The following TF variants were observed in gnomAD, a reference collection of about 807,000 sequenced individuals.
TF encodes serotransferrin.
A neutral mutation model predicts 82.4 loss-of-function variants in TF; 55 were observed. The observed-to-expected ratio is 0.67, with a 90% CI of 0.54 to 0.84. The LOEUF (loss-of-function observed/expected upper bound fraction) is 0.84, where lower values mean the gene tolerates loss of function less well. TF is among the 40% of genes least tolerant of loss of function. TF has a pLI of 0.00. For synonymous variants in TF, 332 were observed against 332.6 expected, an observed-to-expected ratio of 1.00 and a Z score of 0.02; for missense variants, 737 against 868.4, an observed-to-expected ratio of 0.85 and a Z score of 1.90.
At chr3:133,761,685 T>G (rs893071410) in intron 9 of TF, 2 of 152,234 alleles carry the variant, frequency 1.3e-5, no homozygotes, top group African/African-American at 4.8e-5. Context: ...TGGAACACAT[T>G]TCAAAAGAGC....
rs1235216771 is a variant in TF, at chr3:133,791,150, T to C, written c.*12530T>C. On this transcript the variant is annotated 3_prime_UTR_variant, in exon 17 of 17. Coordinates refer to ENST00000402696, the MANE Select transcript of TF (RefSeq NM_001063.4). ...AGCAAGTCATCATTTGTTCCATTTATCTGGAATTCCTAGGCTACCTTTGTC... is the reference window on the plus strand; with the variant it reads ...AGCAAGTCATCATTTGTTCCATTTACCTGGAATTCCTAGGCTACCTTTGTC... The C allele has an allele frequency of 6.6e-6, 1 of 152,218 alleles. No individual in the cohort carries two copies. Among genetic ancestry groups the C allele is most frequent in the Non-Finnish European group, 1.5e-5 (1 of 68,044 alleles). The allele number at this position is 152,218 out of a possible 1,614,324, so 9.4% of individuals were successfully genotyped here.
chr3:133,746,346 G>T (rs1261123665), upstream of TF: 6 of 1,457,304 alleles, frequency 4.1e-6, no homozygotes, highest in African/African-American at 2.8e-5. Flanking sequence ...CGCCCAGCCC[G>T]CCCAGGCCGG....
At chr3:133,694,521 G>A in the TF span, among the ~76,000 whole-genome samples, 2 of 152,184 alleles carry the variant, frequency 1.3e-5, no homozygotes, top group African/African-American at 4.8e-5. Context: ...ACCATCCACA[G>A]AGCACTCTTC....
chr3:133,748,104 C>A (rs998319949), intron 1 of TF: 1 of 440,624 alleles, frequency 2.3e-6, no homozygotes, highest in Non-Finnish European at 4.2e-6. Context: ...GGGGCCAGGA[C>A]AGTGATGGGA....
chr3:133,783,647 T>A lies in TF; in HGVS notation c.*5027T>A, dbSNP rs1187456750. The A allele has an allele frequency of 6.6e-6, 1 of 152,262 alleles. No individual in the cohort carries two copies. Among genetic ancestry groups the A allele is most frequent in the East Asian group, 1.9e-4 (1 of 5,206 alleles). 9.4% of individuals were successfully genotyped at this position (152,262 alleles called of 1,614,324 possible). ...TAGACAAATAAAATGTGAAGATTTT[T>A]AAGAAAGAACAAAGGGCTAATCTAT... On this transcript the variant is annotated 3_prime_UTR_variant, in exon 17 of 17. Transcript: ENST00000402696.
the TF span, among the ~76,000 whole-genome samples, chr3:133,740,891 C>T: frequency 0.59 from 82,957 of 140,278 alleles, 24,415 homozygotes; most frequent in East Asian, 0.76. Flanking sequence ...CTTATGTTAC[C>T]TTAGGTAGCA....
the TF span, among the ~76,000 whole-genome samples, chr3:133,678,953 A>G: frequency 3.3e-5 from 5 of 151,876 alleles, no homozygotes; most frequent in East Asian, 9.7e-4. Context: ...GCTCACTGCA[A>G]CCTCCACCTC....
rs753716226 is a variant in TF, at chr3:133,792,908, G to C, written c.*14288G>C. 6.6e-5 allele frequency: 10 copies of C among 152,120 alleles called. No homozygotes were observed. The highest frequency in any genetic ancestry group is 2.2e-4 in the African/African-American group (9 of 41,432). 9.4% of individuals were successfully genotyped at this position (152,120 alleles called of 1,614,324 possible). A position where few individuals can be genotyped will look rare whatever the true frequency, so the allele number is the denominator to read the frequency against. On this transcript the variant is annotated 3_prime_UTR_variant, in exon 17 of 17. Coordinates refer to ENST00000402696, the MANE Select transcript of TF (RefSeq NM_001063.4). Reference sequence around the variant, plus strand: ...GAACATCAAAATAAAAGCACAAACAGGGTTTTCTTAAAGCACCGATCTGCT... The same window carrying C: ...GAACATCAAAATAAAAGCACAAACACGGTTTTCTTAAAGCACCGATCTGCT...
chr3:133,754,411 C>G (rs1311855721), intron 3 of TF, 84 bp from the exon 4 acceptor site: 1 of 1,434,878 alleles, frequency 7.0e-7, no homozygotes, highest in Non-Finnish European at 9.8e-7. Context: ...CTCCGCTCCC[C>G]TCCCTCCTCA....
chr3:133,748,780 A>G (rs1474002054), intron 2 of TF, 196 bp downstream of exon 2: 2 of 698,604 alleles, frequency 2.9e-6, no homozygotes, highest in African/African-American at 1.8e-5. Flanking sequence ...CAAAAAGCAC[A>G]TTAACTTTTG....
At chr3:133,775,712 C>T in intron 15 of TF, 95 bp downstream of exon 15, 2 of 1,320,374 alleles carry the variant, frequency 1.5e-6, no homozygotes, top group Non-Finnish European at 2.2e-6. Context: ...GACTCCAGCA[C>T]TTTCTTTTTG....
the TF span, among the ~76,000 whole-genome samples, chr3:133,736,296 T>C: frequency 6.6e-6 from 1 of 152,022 alleles, no homozygotes; most frequent in Non-Finnish European, 1.5e-5. Context: ...CAAGAGCTTA[T>C]AGAGGAAGCA....
At chr3:133,753,383 A>C (rs8177213) in intron 2 of TF, among the ~76,000 whole-genome samples, 37,665 of 151,960 alleles carry the variant, frequency 0.25, 4,727 homozygotes, top group Non-Finnish European at 0.28. Context: ...ACAATCCATC[A>C]CTCCCTCTAT....
At position 133,753,578 on chromosome 3, in the gene TF, G is replaced by C. The variant is rs1220004523; in HGVS notation, c.217-17G>C. The stretch of plus-strand genomic sequence containing the variant: ...GGAAGTCAAGGCTTCATCCAGGACT[G>C]GCCTGTTCTCTTTCAGGCAAACGAA... On this transcript the variant is annotated splice_polypyrimidine_tract_variant and intron_variant, in intron 2 of 16. Transcript: ENST00000402696. 1 of 1,609,540 alleles carries C rather than the reference G, an allele frequency of 6.2e-7. No homozygotes were observed. Among genetic ancestry groups the C allele is most frequent in the South Asian group, 1.1e-5 (1 of 90,994 alleles).
the TF span, among the ~76,000 whole-genome samples, chr3:133,689,119 C>A: frequency 6.6e-6 from 1 of 151,918 alleles, no homozygotes; most frequent in Non-Finnish European, 1.5e-5. Flanking sequence ...TGAGGTCAGG[C>A]GCTCAAGACC....
rs369813809 is a variant in TF at position 133,768,157 on chromosome 3, G to A, written c.1615G>A (p.Ala539Thr). Reference sequence around the variant, plus strand: ...AGAGGGATACTACGGCTACACAGGCGCTTTCAGGTGAGTCTTTTAACCCTG... The same window carrying A: ...AGAGGGATACTACGGCTACACAGGCACTTTCAGGTGAGTCTTTTAACCCTG... Reference protein sequence around the residue: ...NKEGYYGYTGAFRCLVEKGDV... With the variant: ...NKEGYYGYTGTFRCLVEKGDV... The change falls in exon 13 of 17, where the codon GCT becomes ACT. Residue 539 changes from alanine (A) to threonine (T), a missense_variant. Coordinates refer to ENST00000402696, the MANE Select transcript of TF (RefSeq NM_001063.4). The A allele has an allele frequency of 2.0e-4, 317 of 1,614,176 alleles. 1 individual carries two copies. The highest frequency in any genetic ancestry group is 6.1e-4 in the South Asian group (56 of 91,076).
At chr3:133,753,301 G>A (rs530402265) in intron 2 of TF, among the ~76,000 whole-genome samples, 3 of 152,330 alleles carry the variant, frequency 2.0e-5, no homozygotes, top group Admixed American at 6.5e-5. Flanking sequence ...TTAAGCCTTC[G>A]TAATTGCCTA....
chr3:133,678,784 C>A, the TF span, among the ~76,000 whole-genome samples: 1 of 152,156 alleles, frequency 6.6e-6, no homozygotes, highest in Non-Finnish European at 1.5e-5. Context: ...GGATAGGTTG[C>A]AAAAATTTTC....
At chr3:133,685,840 A>G in the TF span, among the ~76,000 whole-genome samples, 3 of 152,212 alleles carry the variant, frequency 2.0e-5, no homozygotes, top group African/African-American at 7.2e-5. Flanking sequence ...ACAGAATTGG[A>G]AAAAACTACT....
Sources: allele counts gnomAD v4.1 joint callset (sites outside exome capture counted in the v4.1 genomes callset), GRCh38; gene constraint gnomAD v4.1.1; transcripts MANE v1.5; gene names NCBI Gene and HGNC (gene_info 2026-07-23, HGNC 2026-07-21).